SAMMSON: variants seen among roughly 807,000 people sequenced by gnomAD.
The protein encoded by SAMMSON is long intergenic non-protein coding RNA 1212.
chr3:70,200,046 T>A (rs984169529), intron 4 of SAMMSON, among the ~76,000 whole-genome samples: 4 of 152,160 alleles, frequency 2.6e-5, no homozygotes, highest in African/African-American at 7.2e-5. Flanking sequence ...TTCTTTGTCA[T>A]TTTGCTTTTC....
At chr3:70,236,617 A>G (rs55885411) in intron 4 of SAMMSON, among the ~76,000 whole-genome samples, 31,228 of 151,902 alleles carry the variant, frequency 0.21, 3,696 homozygotes, top group Non-Finnish European at 0.27. Flanking sequence ...TTTTTCTGAG[A>G]CAGGGTCTCA....
intron 4 of SAMMSON, among the ~76,000 whole-genome samples, chr3:70,209,375 A>G (rs1488546110): frequency 6.6e-6 from 1 of 151,982 alleles, no homozygotes. Flanking sequence ...ACTGCTTTAC[A>G]CACACACACA....
Position 70,066,189 on chromosome 3 carries a change from G to A in SAMMSON, n.418-5287G>A, listed in dbSNP as rs9880388. 3.8e-3 allele frequency among the ~76,000 whole-genome samples: 585 copies of A among 152,100 alleles called. 3 individuals are homozygous for A. The highest frequency in any genetic ancestry group is 0.022 in the South Asian group (107 of 4,824). ...ACTGAAAACCCTATATTAATATCACGTCCATCTGCTGAATGTTACATAAAT... is the reference window on the plus strand; with the variant it reads ...ACTGAAAACCCTATATTAATATCACATCCATCTGCTGAATGTTACATAAAT... On this transcript the variant is annotated intron_variant and non_coding_transcript_variant, in intron 3 of 9. Transcript: ENST00000642114.
chr3:70,116,372 T>C (rs558858522), intron 4 of SAMMSON, among the ~76,000 whole-genome samples: 13 of 150,624 alleles, frequency 8.6e-5, no homozygotes, highest in African/African-American at 3.2e-4. Flanking sequence ...TTTAAAATAT[T>C]TTTCTGGGAT....
intron 9 of SAMMSON, among the ~76,000 whole-genome samples, chr3:70,385,342 T>G (rs1703111939): frequency 6.6e-6 from 1 of 152,108 alleles, no homozygotes. Flanking sequence ...ATAAATATGT[T>G]AAAGATTGAA....
chr3:70,291,308 C>T (rs1259976156), intron 7 of SAMMSON: 1 of 151,990 alleles, frequency 6.6e-6, no homozygotes, highest in Middle Eastern at 3.2e-3. Context: ...TAGCAGCCAA[C>T]TCATTTTTTT....
intron 7 of SAMMSON, among the ~76,000 whole-genome samples, chr3:70,295,570 G>A (rs561457026): frequency 4.6e-5 from 7 of 152,190 alleles, no homozygotes; most frequent in African/African-American, 2.4e-5. Context: ...AGGCTTGGTG[G>A]TGCGCACCTG....
chr3:70,427,737 CAAAAAAA>C (rs34837077), intron 2 of SAMMSON, among the ~76,000 whole-genome samples: 2 of 102,924 alleles, frequency 1.9e-5, no homozygotes, highest in Admixed American at 2.1e-4. Flanking sequence ...AACTCCGTCT[CAAAAAAA>C]AAAAAAAAAA....
At chr3:70,424,035 A>G (rs967496550) in intron 2 of SAMMSON, among the ~76,000 whole-genome samples, 10 of 152,178 alleles carry the variant, frequency 6.6e-5, no homozygotes, top group African/African-American at 2.4e-4. Flanking sequence ...ATTTTTTATC[A>G]TAATGAAGCA....
At chr3:70,152,449 G>A (rs918248057) in intron 4 of SAMMSON, among the ~76,000 whole-genome samples, 1 of 151,958 alleles carries the variant, frequency 6.6e-6, no homozygotes, top group Non-Finnish European at 1.5e-5. Context: ...AAGTGACAGT[G>A]GGTACCTTCT....
chr3:70,043,911 T>TA (rs1209959188), intron 3 of SAMMSON, among the ~76,000 whole-genome samples: 10 of 152,038 alleles, frequency 6.6e-5, no homozygotes, highest in East Asian at 1.9e-4. Flanking sequence ...GTAGTATTAT[T>TA]AAAAAAAATC....
At chr3:70,020,794 C>A (rs2067010321) in intron 3 of SAMMSON, among the ~76,000 whole-genome samples, 1 of 152,008 alleles carries the variant, frequency 6.6e-6, no homozygotes, top group Admixed American at 6.6e-5. Flanking sequence ...CAAAGTAAGC[C>A]CTTTATGGAC....
chr3:70,147,552 G>T (rs1351044576), intron 4 of SAMMSON, among the ~76,000 whole-genome samples: 1 of 151,986 alleles, frequency 6.6e-6, no homozygotes, highest in Non-Finnish European at 1.5e-5. Flanking sequence ...CAATTCTTTG[G>T]AGAAAGCATA....
At chr3:70,339,478 G>T (rs1702693249) in intron 7 of SAMMSON, among the ~76,000 whole-genome samples, 1 of 152,142 alleles carries the variant, frequency 6.6e-6, no homozygotes, top group Non-Finnish European at 1.5e-5. Context: ...CCTACAGAAT[G>T]GGAGAATATT....
intron 6 of SAMMSON, among the ~76,000 whole-genome samples, chr3:70,261,430 T>C (rs750730030): frequency 6.6e-5 from 10 of 152,316 alleles, no homozygotes; most frequent in Non-Finnish European, 1.3e-4. Flanking sequence ...GCTGCAGCCA[T>C]CTAGCACTTC....
At chr3:70,176,108 C>T (rs1312299544) in intron 4 of SAMMSON, among the ~76,000 whole-genome samples, 1 of 152,090 alleles carries the variant, frequency 6.6e-6, no homozygotes, top group Non-Finnish European at 1.5e-5. Flanking sequence ...AAAATATTCA[C>T]AAGTGGGATG....
Position 70,068,139 on chromosome 3 carries a change from TA to T in SAMMSON, n.418-3335del, listed in dbSNP as rs1385635508. ...AGACTCTAACTGGCCAAACTAAGAA[TA>T]ACTCTTTTGATTCCCAATAGTCTTA... On this transcript the variant is annotated intron_variant and non_coding_transcript_variant, in intron 3 of 9. Coordinates refer to ENST00000642114, the Ensembl canonical transcript of SAMMSON. The T allele has an allele frequency of 2.0e-5, 3 of 152,166 alleles. No individual in the cohort carries two copies. In the East Asian group the frequency reaches 5.8e-4, roughly 30 times the overall value. The allele number at this position is 152,166 out of a possible 1,614,324, so 9.4% of individuals were successfully genotyped here. A position where few individuals can be genotyped will look rare whatever the true frequency, so the allele number is the denominator to read the frequency against.
chr3:70,406,953 AATTGGACTTACAG>A (rs1162759376), intron 2 of SAMMSON, among the ~76,000 whole-genome samples: 1 of 152,216 alleles, frequency 6.6e-6, no homozygotes, highest in Admixed American at 6.5e-5. Context: ...AAAGAGGTTT[AATTGGACTTACAG>A]TTCCACATGG....
At chr3:70,165,335 G>A (rs2067632615) in intron 4 of SAMMSON, among the ~76,000 whole-genome samples, 1 of 151,960 alleles carries the variant, frequency 6.6e-6, no homozygotes, top group Admixed American at 6.6e-5. Flanking sequence ...GTTGGTATTA[G>A]AGATGAGGCC....
Sources: gnomAD v4.1 joint callset for allele counts (sites outside exome capture counted in the v4.1 genomes callset) on GRCh38, gnomAD v4.1.1 for gene constraint, MANE v1.5 for transcripts, NCBI Gene and HGNC (gene_info 2026-07-23, HGNC 2026-07-21) for gene names.